The following PCDH15 variants were observed in gnomAD, a reference collection of about 807,000 sequenced individuals.
The protein encoded by PCDH15 is protocadherin-15.
PCDH15 carries 129 observed loss-of-function variants against 178.5 expected under a neutral mutation model. The ratio of observed to expected loss-of-function variants is 0.72; its 90% CI spans 0.63 to 0.84. The LOEUF (loss-of-function observed/expected upper bound fraction) is 0.84. Ranked by LOEUF, PCDH15 falls within the 40% of genes least tolerant of loss-of-function variation. PCDH15 has a pLI of 0.00. For synonymous variants in PCDH15, 800 were observed against 732.0 expected, an observed-to-expected ratio of 1.09 and a Z score of -1.50; for missense variants, 2,230 against 2,099.9, an observed-to-expected ratio of 1.06 and a Z score of -1.21.
At chr10:54,656,643 C>T (rs1161288620) in intron 2 of PCDH15, among the ~76,000 whole-genome samples, 2 of 152,144 alleles carry the variant, frequency 1.3e-5, no homozygotes, top group Admixed American at 6.5e-5. Context: ...ACCCCATAAC[C>T]TGCTCTGACA....
intron 2 of PCDH15, among the ~76,000 whole-genome samples, chr10:54,996,967 G>T (rs1839662644): frequency 6.6e-6 from 1 of 151,910 alleles, no homozygotes; most frequent in South Asian, 2.1e-4. Flanking sequence ...AAATTAGCCG[G>T]GTGTAGTGGC....
At chr10:55,153,144 T>C (rs1464424980) in intron 2 of PCDH15, among the ~76,000 whole-genome samples, 1 of 152,184 alleles carries the variant, frequency 6.6e-6, no homozygotes, top group Non-Finnish European at 1.5e-5. Context: ...CTACTTTATC[T>C]AGTTACCCAC....
intron 1 of PCDH15, among the ~76,000 whole-genome samples, chr10:54,665,487 C>A (rs768675519): frequency 6.6e-6 from 1 of 152,038 alleles, no homozygotes. Context: ...TCAGAGGGTA[C>A]AAAGGCACGA....
In PCDH15 at chr10:54,299,151, G is replaced by T. The variant is rs377393583; in HGVS notation, c.876+18120C>A. Among the ~76,000 whole-genome samples, 240 of 151,036 alleles carry T rather than the reference G, an allele frequency of 1.6e-3. 1 individual carries two copies. The highest frequency in any genetic ancestry group is 3.5e-3 in the African/African-American group (145 of 41,448). Reference sequence around the variant, plus strand: ...GAAAGACCAGCAGAAAGGAAAGAGAGAAAGAGACAGAAAGTCAGAGAAAGA... The same window carrying T: ...GAAAGACCAGCAGAAAGGAAAGAGATAAAGAGACAGAAAGTCAGAGAAAGA... On this transcript the variant is annotated intron_variant, in intron 8 of 37. Transcript: ENST00000644397.
chr10:54,482,899 G>A lies in PCDH15; in HGVS notation c.157+44913C>T, dbSNP rs749773798. ...ATAGAGCTTGCATACTGACTGCAGG[G>A]GGACTATGCAAGGAGTAAAATATTA... On this transcript the variant is annotated intron_variant, in intron 3 of 37. Coordinates refer to ENST00000644397, the MANE Select transcript of PCDH15 (RefSeq NM_001384140.1). 3.5e-4 allele frequency among the ~76,000 whole-genome samples: 53 copies of A among 151,864 alleles called. 1 individual carries two copies. The highest frequency in any genetic ancestry group is 3.4e-3 in the Middle Eastern group (1 of 294).
chr10:54,251,430 C>G (rs1191591755), intron 8 of PCDH15, among the ~76,000 whole-genome samples: 1 of 152,164 alleles, frequency 6.6e-6, no homozygotes, highest in African/African-American at 2.4e-5. Context: ...TTAATAAACA[C>G]AAACTAATTA....
At chr10:54,938,032 G>A (rs1031946554) in intron 2 of PCDH15, among the ~76,000 whole-genome samples, 1 of 151,930 alleles carries the variant, frequency 6.6e-6, no homozygotes, top group Non-Finnish European at 1.5e-5. Context: ...CCTATTTGTT[G>A]AATATTTTTA....
chr10:54,565,810 C>A (rs753266715), intron 2 of PCDH15, among the ~76,000 whole-genome samples: 2 of 152,100 alleles, frequency 1.3e-5, no homozygotes, highest in Non-Finnish European at 2.9e-5. Flanking sequence ...GAAGGCCAGG[C>A]GCGGTGGCTC....
At chr10:55,392,790 G>T (rs898505755) in intron 2 of PCDH15, among the ~76,000 whole-genome samples, 6 of 151,786 alleles carry the variant, frequency 4.0e-5, no homozygotes, top group Non-Finnish European at 8.8e-5. Flanking sequence ...TTTGTAGAAG[G>T]CATTTGCAAA....
intron 2 of PCDH15, among the ~76,000 whole-genome samples, chr10:55,484,111 G>T: frequency 6.6e-6 from 1 of 151,656 alleles, no homozygotes; most frequent in Admixed American, 6.6e-5. Flanking sequence ...GACACTGAGA[G>T]GGGAACAACA....
chr10:54,434,903 G>A (rs1206013293), intron 3 of PCDH15, among the ~76,000 whole-genome samples: 2 of 152,152 alleles, frequency 1.3e-5, no homozygotes, highest in Non-Finnish European at 2.9e-5. Flanking sequence ...GGAGTACCAG[G>A]TATATCACTC....
At chr10:54,773,739 T>C (rs1410119935) in intron 1 of PCDH15, among the ~76,000 whole-genome samples, 1 of 152,164 alleles carries the variant, frequency 6.6e-6, no homozygotes, top group African/African-American at 2.4e-5. Flanking sequence ...AGAAACACTA[T>C]TTTAAAAGAG....
At chr10:54,984,691 A>G (rs1839321059) in intron 2 of PCDH15, among the ~76,000 whole-genome samples, 1 of 152,068 alleles carries the variant, frequency 6.6e-6, no homozygotes, top group Non-Finnish European at 1.5e-5. Context: ...AAATTTAAAA[A>G]TTAGCTGGGC....
chr10:54,309,869 A>G (rs771152154), intron 8 of PCDH15, among the ~76,000 whole-genome samples: 1 of 152,076 alleles, frequency 6.6e-6, no homozygotes, highest in Non-Finnish European at 1.5e-5. Context: ...ATGACAAAGA[A>G]GTTTAAAGAA....
chr10:55,183,621 A>G (rs1226247912), intron 1 of PCDH15, among the ~76,000 whole-genome samples: 1 of 151,814 alleles, frequency 6.6e-6, no homozygotes, highest in Non-Finnish European at 1.5e-5. Context: ...CTCAAAAACT[A>G]AAACTGCTTA....
chr10:55,137,554 TA>T (rs1838228603), intron 2 of PCDH15, among the ~76,000 whole-genome samples: 1 of 151,070 alleles, frequency 6.6e-6, no homozygotes, highest in African/African-American at 2.4e-5. Flanking sequence ...TTTTTAAGGG[TA>T]AATCACTGAG....
At chr10:53,954,377 T>C (rs143301727) in intron 23 of PCDH15, among the ~76,000 whole-genome samples, 68 of 152,296 alleles carry the variant, frequency 4.5e-4, no homozygotes, top group African/African-American at 1.5e-3. Flanking sequence ...CAATTACCAA[T>C]AGAACAACAT....
At chr10:54,191,456 G>T (rs562731720) in intron 11 of PCDH15, among the ~76,000 whole-genome samples, 1 of 152,280 alleles carries the variant, frequency 6.6e-6, no homozygotes, top group African/African-American at 2.4e-5. Flanking sequence ...CATTAGACAA[G>T]ATGTAGCTTG....
intron 5 of PCDH15, among the ~76,000 whole-genome samples, chr10:54,368,041 C>T (rs1283849974): frequency 1.3e-5 from 2 of 151,812 alleles, no homozygotes; most frequent in African/African-American, 4.8e-5. Context: ...ACTCATTAAA[C>T]AAAAGTGACT....
Sources: allele counts gnomAD v4.1 joint callset (sites outside exome capture counted in the v4.1 genomes callset), GRCh38; gene constraint gnomAD v4.1.1; transcripts MANE v1.5; gene names NCBI Gene and HGNC (gene_info 2026-07-23, HGNC 2026-07-21).